Variants in SH2D4B observed in about 807,000 individuals in gnomAD.
SH2D4B encodes the protein SH2 domain containing 4B, also known as SH2 domain-containing protein 4B.
SH2D4B carries 45 observed loss-of-function variants against 61.5 expected under a neutral mutation model. The ratio of observed to expected loss-of-function variants is 0.73; its 90% CI spans 0.58 to 0.94. The LOEUF is 0.94. Among genes scored for constraint, SH2D4B ranks in the 40% least tolerant of loss-of-function variants. The probability of loss-of-function intolerance (pLI) is 0.00; values close to 1 mark genes in which losing one functional copy is unlikely to be tolerated. For missense variants in SH2D4B, 572 were observed against 574.2 expected (o/e 1.00, Z 0.04); for synonymous variants, 224 against 220.4 (o/e 1.02, Z -0.14).
chr10:80,596,757 C>T (rs1009946296), intron 4 of SH2D4B, among the ~76,000 whole-genome samples: 1 of 152,164 alleles, frequency 6.6e-6, no homozygotes, highest in African/African-American at 2.4e-5. Context: ...CAGATGGAGG[C>T]TCTATCTTTA....
chr10:80,553,440 A>G (rs952984723), intron 1 of SH2D4B, among the ~76,000 whole-genome samples: 8 of 152,228 alleles, frequency 5.3e-5, no homozygotes, highest in African/African-American at 1.9e-4. Context: ...TCACTGGCAC[A>G]TTGATTCTGC....
chr10:80,552,641 A>T (rs1379617244), intron 1 of SH2D4B, among the ~76,000 whole-genome samples: 2 of 152,214 alleles, frequency 1.3e-5, no homozygotes, highest in African/African-American at 2.4e-5. Context: ...GGGTGGAAGT[A>T]GCAGGTTGTA....
rs144380023 is a variant in SH2D4B at position 80,570,006 on chromosome 10, C to T, written c.185-148C>T. The T allele has an allele frequency of 4.0e-4, 375 of 948,432 alleles. 5 individuals carry two copies. The highest frequency in any genetic ancestry group is 3.0e-3 in the African/African-American group (184 of 60,896). 58.8% of individuals were successfully genotyped at this position (948,432 alleles called of 1,614,324 possible). Reference sequence around the variant, plus strand: ...AGAGTGGGAGATGGTTGTGGACCTGCCCCCAGGCCAGTGTCTCTCTGGCAT... The same window carrying T: ...AGAGTGGGAGATGGTTGTGGACCTGTCCCCAGGCCAGTGTCTCTCTGGCAT... On this transcript the variant is annotated intron_variant, in intron 1 of 7. Coordinates refer to ENST00000646907, the MANE Select transcript of SH2D4B (RefSeq NM_001388272.1).
intron 6 of SH2D4B, among the ~76,000 whole-genome samples, chr10:80,614,203 T>C (rs962203327): frequency 6.6e-6 from 1 of 152,216 alleles, no homozygotes; most frequent in African/African-American, 2.4e-5. Flanking sequence ...GTGGTTTAAT[T>C]GACTCACAGT....
intron 6 of SH2D4B, among the ~76,000 whole-genome samples, chr10:80,620,471 A>G (rs1842707726): frequency 6.6e-6 from 1 of 152,180 alleles, no homozygotes; most frequent in South Asian, 2.1e-4. Context: ...TTTCTTCACA[A>G]ATTACCCATT....
In SH2D4B at chr10:80,600,520, C is replaced by CGT. The variant is rs769408150; in HGVS notation, c.644-3059_644-3058insGT. Among the ~76,000 whole-genome samples, 9 of 133,714 alleles carry CGT rather than the reference C, an allele frequency of 6.7e-5. No homozygotes were observed. The East Asian group carries it at 9.4e-4, about 14-fold the overall frequency. The allele number at this position is 133,714 out of a possible 152,430, so 87.7% of individuals were successfully genotyped here. On this transcript the variant is annotated intron_variant, in intron 4 of 7. Coordinates refer to ENST00000646907, the MANE Select transcript of SH2D4B (RefSeq NM_001388272.1). ...GTGGTGGAGCTACAGTGCAGAGTGG[C>CGT]ATGTGTGTGTGTGTGTGTGTGTGTG...
At chr10:80,628,544 G>A (rs1380159721) in intron 6 of SH2D4B, among the ~76,000 whole-genome samples, 1 of 152,160 alleles carries the variant, frequency 6.6e-6, no homozygotes, top group Non-Finnish European at 1.5e-5. Flanking sequence ...TATACAGAGG[G>A]CAAAGTGAAT....
In SH2D4B at chr10:80,538,749, C is replaced by T. The variant is rs1196198432; in HGVS notation, c.184+234C>T. Among the ~76,000 whole-genome samples the T allele has an allele frequency of 1.3e-5, 2 of 152,146 alleles. No individual in the cohort carries two copies. The highest frequency in any genetic ancestry group is 4.8e-5 in the African/African-American group (2 of 41,440). On this transcript the variant is annotated intron_variant, in intron 1 of 7. Coordinates refer to ENST00000646907, the MANE Select transcript of SH2D4B (RefSeq NM_001388272.1). This position sits in a 1 kb window ranked among gnomAD's most constrained non-coding sequence, Gnocchi z 4.8. The stretch of plus-strand genomic sequence containing the variant: ...GCTGTCCAGCGGCCCTTATTGGAGT[C>T]GGGGAGTTGGGACTTGCTTTGTCTT...
intron 2 of SH2D4B, among the ~76,000 whole-genome samples, 166 bp from the exon 3 acceptor site, chr10:80,571,265 C>T (rs965684823): frequency 5.9e-5 from 9 of 152,086 alleles, no homozygotes; most frequent in African/African-American, 2.2e-4. Flanking sequence ...ACAATTGTGC[C>T]GATTTACACT....
At chr10:80,609,228 T>C (rs1468594605) in intron 5 of SH2D4B, among the ~76,000 whole-genome samples, 196 bp from the exon 6 acceptor site, 1 of 152,174 alleles carries the variant, frequency 6.6e-6, no homozygotes, top group African/African-American at 2.4e-5. Context: ...TAATCCTCTT[T>C]GTAGGCATGG....
At chr10:80,619,837 C>T (rs1327480719) in intron 6 of SH2D4B, among the ~76,000 whole-genome samples, 5 of 152,226 alleles carry the variant, frequency 3.3e-5, no homozygotes, top group Admixed American at 1.3e-4. Flanking sequence ...ATCTCTTTGT[C>T]CTTGGGGATG....
intron 5 of SH2D4B, 49 bp downstream of exon 5, chr10:80,603,844 A>G (rs1564781033): frequency 6.5e-7 from 1 of 1,539,850 alleles, no homozygotes; most frequent in African/African-American, 1.4e-5. Context: ...GCCTTGGATT[A>G]GGGCATGGGA....
rs151180626 is a variant in SH2D4B, at chr10:80,571,503, G to A, written c.420G>A (p.Ala140=). 27 of 1,614,016 alleles carry A rather than the reference G, an allele frequency of 1.7e-5. No individual in the cohort carries two copies. Among genetic ancestry groups the A allele is most frequent in the Middle Eastern group, 1.6e-4 (1 of 6,084 alleles). Reference sequence around the variant, plus strand: ...CCAATGAGAAAGCCCGGATCTTGGCGGAGAAGTGGAAAGTGGAGATGGAAG... The same window carrying A: ...CCAATGAGAAAGCCCGGATCTTGGCAGAGAAGTGGAAAGTGGAGATGGAAG... ...ALANEKARIL[A]EKWKVEMEDR... is the part of the protein sequence containing the mutation. The change falls in exon 3 of 8, where the codon GCG becomes GCA. Residue 140 remains alanine (A), a synonymous_variant. Transcript: ENST00000646907.
At chr10:80,624,190 A>G (rs1842747704) in intron 6 of SH2D4B, among the ~76,000 whole-genome samples, 1 of 152,132 alleles carries the variant, frequency 6.6e-6, no homozygotes, top group Admixed American at 6.5e-5. Flanking sequence ...CTCTACACAT[A>G]CCATTTCTGC....
chr10:80,621,798 C>T (rs1842719540), intron 6 of SH2D4B, among the ~76,000 whole-genome samples: 1 of 152,182 alleles, frequency 6.6e-6, no homozygotes, highest in African/African-American at 2.4e-5. Context: ...AGTGATCATC[C>T]CCTAAACATG....
intron 1 of SH2D4B, 97 bp from the exon 2 acceptor site, chr10:80,570,057 T>C (rs1842019895): frequency 1.4e-6 from 2 of 1,418,830 alleles, no homozygotes; most frequent in Non-Finnish European, 2.0e-6. Context: ...CAATGTTCCA[T>C]AGAGTGATGT....
intron 1 of SH2D4B, among the ~76,000 whole-genome samples, chr10:80,553,898 G>T (rs1213073737): frequency 6.6e-6 from 1 of 152,184 alleles, no homozygotes; most frequent in Non-Finnish European, 1.5e-5. Context: ...TCTAACTGTG[G>T]CTGTTTCCCA....
intron 3 of SH2D4B, among the ~76,000 whole-genome samples, chr10:80,575,033 A>T (rs1842108657): frequency 6.7e-6 from 1 of 150,338 alleles, no homozygotes; most frequent in South Asian, 2.1e-4. Context: ...TATAATGTGG[A>T]AAACAGTATT....
At position 80,620,223 on chromosome 10, in the gene SH2D4B, G is replaced by C. The variant is rs1390703084; in HGVS notation, c.988+10672G>C. Among the ~76,000 whole-genome samples the C allele has an allele frequency of 2.0e-5, 3 of 152,164 alleles. No individual in the cohort carries two copies. In the East Asian group the frequency reaches 5.8e-4, roughly 29 times the overall value. The stretch of plus-strand genomic sequence containing the variant: ...GTGGAAGGTGATTGGATCATGGGGG[G>C]CGGTTCCCCCCCTTGCTGTTCTCAT... On this transcript the variant is annotated intron_variant, in intron 6 of 7. Coordinates refer to ENST00000646907, the MANE Select transcript of SH2D4B (RefSeq NM_001388272.1).
Sources: gnomAD v4.1 joint callset for allele counts (sites outside exome capture counted in the v4.1 genomes callset) on GRCh38, gnomAD v4.1.1 for gene constraint, Gnocchi (gnomAD v3.1) non-coding constraint, MANE v1.5 for transcripts, NCBI Gene and HGNC (gene_info 2026-07-23, HGNC 2026-07-21) for gene names.